PALLD: variants seen among roughly 807,000 people sequenced by gnomAD.
The protein encoded by PALLD is palladin.
Under a neutral mutation model 123.5 loss-of-function variants are expected in PALLD, and 61 were observed. The ratio of observed to expected loss-of-function variants is 0.49; its 90% CI spans 0.40 to 0.61. PALLD has a LOEUF of 0.61. Among genes scored for constraint, PALLD ranks in the 20% least tolerant of loss-of-function variants. The pLI, the probability that PALLD is intolerant of heterozygous loss-of-function variation, is 0.00. For missense variants in PALLD, 1,273 were observed against 1,377.0 expected (o/e 0.92, Z 1.20); for synonymous variants, 465 against 496.4 (o/e 0.94, Z 0.84).
chr4:168,840,101 T>C lies in PALLD; in HGVS notation c.1965-50821T>C, dbSNP rs533112160. Among the ~76,000 whole-genome samples, 5 of 151,152 alleles carry C rather than the reference T, an allele frequency of 3.3e-5. No individual in the cohort carries two copies. In the East Asian group the frequency reaches 7.7e-4, roughly 23 times the overall value. The stretch of plus-strand genomic sequence containing the variant: ...TAAATGGATGTATTTGTGTGGAAGA[T>C]GTAGATTTTTTTTAAAAAAAATCTA... On this transcript the variant is annotated intron_variant, in intron 10 of 21. Transcript: ENST00000505667.
At chr4:168,771,076 C>CAAA (rs201127407) in intron 10 of PALLD, among the ~76,000 whole-genome samples, 4 of 36,878 alleles carry the variant, frequency 1.1e-4, no homozygotes, top group African/African-American at 3.6e-4. Context: ...AAAAAAAAAA[C>CAAA]AAAAAAAAAA....
At chr4:168,668,137 A>T in intron 2 of PALLD, 53 bp from the exon 3 acceptor site, 1 of 1,405,418 alleles carries the variant, frequency 7.1e-7, no homozygotes, top group Non-Finnish European at 1.0e-6. Context: ...TGTTTTAAAC[A>T]TCACCATTTC....
At chr4:168,867,599 G>A (rs28594178) in intron 10 of PALLD, among the ~76,000 whole-genome samples, 1,772 of 152,236 alleles carry the variant, frequency 0.012, 46 homozygotes, top group African/African-American at 0.04. Context: ...TTCCAGAGGT[G>A]AACACTTTAG....
chr4:168,589,745 G>A (rs909962981), intron 2 of PALLD, among the ~76,000 whole-genome samples: 1 of 152,186 alleles, frequency 6.6e-6, no homozygotes, highest in African/African-American at 2.4e-5. Flanking sequence ...AGCCTCACTC[G>A]CAACTGAAAG....
At chr4:168,613,770 C>T (rs1319065720) in intron 2 of PALLD, among the ~76,000 whole-genome samples, 1 of 152,136 alleles carries the variant, frequency 6.6e-6, no homozygotes, top group Non-Finnish European at 1.5e-5. Context: ...GCTACAAAGA[C>T]TAGAACTCGT....
intron 10 of PALLD, among the ~76,000 whole-genome samples, chr4:168,853,922 C>T (rs1041827518): frequency 4.6e-5 from 7 of 152,096 alleles, no homozygotes; most frequent in African/African-American, 1.2e-4. Flanking sequence ...CTGACTTCTG[C>T]GGTTCTGACT....
chr4:168,903,990 G>A lies in PALLD; in HGVS notation c.2622+84G>A. 2.4e-6 allele frequency: 3 copies of A among 1,266,678 alleles called. No homozygotes were observed. In the South Asian group the frequency reaches 3.6e-5, roughly 15 times the overall value. 78.5% of individuals were successfully genotyped at this position (1,266,678 alleles called of 1,614,324 possible). ...TAGACAAAGGAACTATTTAAAAGGT[G>A]AAGTTAAGAAGTTTCTTTGATTTAT... On this transcript the variant is annotated intron_variant, in intron 15 of 21. Transcript: ENST00000505667.
At chr4:168,866,098 T>TAA (rs11398682) in intron 10 of PALLD, among the ~76,000 whole-genome samples, 47 of 138,782 alleles carry the variant, frequency 3.4e-4, no homozygotes, top group African/African-American at 6.8e-4. Context: ...CTGTCTCTAC[T>TAA]AAAAAAAAAA....
At chr4:168,531,115 A>G (rs933832069) in intron 2 of PALLD, among the ~76,000 whole-genome samples, 1 of 152,234 alleles carries the variant, frequency 6.6e-6, no homozygotes, top group African/African-American at 2.4e-5. Flanking sequence ...TAATGTTATG[A>G]TATTGCTTAT....
intron 10 of PALLD, among the ~76,000 whole-genome samples, chr4:168,858,290 C>T (rs887148591): frequency 6.6e-6 from 1 of 152,154 alleles, no homozygotes; most frequent in African/African-American, 2.4e-5. Flanking sequence ...GTTATACACT[C>T]ATAAATGGGC....
intron 10 of PALLD, 47 bp downstream of exon 10, chr4:168,711,970 CA>C (rs752601229): frequency 2.6e-6 from 4 of 1,523,640 alleles, no homozygotes; most frequent in Non-Finnish European, 3.6e-6. Context: ...ACCCCTGTTA[CA>C]TTTCCTGTCT....
chr4:168,923,119 G>A (rs540868750), intron 18 of PALLD, among the ~76,000 whole-genome samples: 1 of 152,318 alleles, frequency 6.6e-6, no homozygotes, highest in African/African-American at 2.4e-5. Context: ...TTACTGATGA[G>A]TTGCTATGAC....
chr4:168,773,329 G>T (rs938209038), intron 10 of PALLD, among the ~76,000 whole-genome samples: 4 of 152,220 alleles, frequency 2.6e-5, no homozygotes, highest in Non-Finnish European at 5.9e-5. Flanking sequence ...TTTCCGGCAG[G>T]AGCTTCCACC....
intron 10 of PALLD, among the ~76,000 whole-genome samples, chr4:168,736,330 G>T (rs1171429088): frequency 6.6e-6 from 1 of 152,162 alleles, no homozygotes; most frequent in Non-Finnish European, 1.5e-5. Context: ...GCTTAGGCCT[G>T]GGTCAGTAGC....
intron 10 of PALLD, among the ~76,000 whole-genome samples, chr4:168,759,196 AAAAAAAAT>A (rs1732398069): frequency 2.7e-5 from 1 of 37,058 alleles, no homozygotes; most frequent in African/African-American, 1.3e-4. Flanking sequence ...AAAAAAAAAA[AAAAAAAAT>A]ATATATATAT....
chr4:168,724,261 G>T (rs1786323577), intron 10 of PALLD, among the ~76,000 whole-genome samples: 1 of 152,148 alleles, frequency 6.6e-6, no homozygotes. Flanking sequence ...TACTACTAGA[G>T]AATTTATTTT....
At chr4:168,761,628 T>C (rs1732845098) in intron 10 of PALLD, among the ~76,000 whole-genome samples, 1 of 148,034 alleles carries the variant, frequency 6.8e-6, no homozygotes, top group Non-Finnish European at 1.5e-5. Flanking sequence ...GCCCAGCTAT[T>C]TTTGTTGTTG....
intron 11 of PALLD, among the ~76,000 whole-genome samples, chr4:168,891,333 T>G (rs1468004081): frequency 6.6e-6 from 1 of 152,134 alleles, no homozygotes; most frequent in Non-Finnish European, 1.5e-5. Flanking sequence ...TGGCTAATTT[T>G]TTATTTTTGT....
At chr4:168,571,078 GA>G (rs1201004968) in intron 2 of PALLD, among the ~76,000 whole-genome samples, 1 of 152,000 alleles carries the variant, frequency 6.6e-6, no homozygotes, top group Admixed American at 6.6e-5. Flanking sequence ...CTCATCTAAA[GA>G]AAAAACATAG....
Sources: gnomAD v4.1 joint callset for allele counts (sites outside exome capture counted in the v4.1 genomes callset) on GRCh38, gnomAD v4.1.1 for gene constraint, MANE v1.5 for transcripts, NCBI Gene and HGNC (gene_info 2026-07-23, HGNC 2026-07-21) for gene names.